The following MEI4 variants were observed in gnomAD, a reference collection of about 807,000 sequenced individuals.
MEI4 encodes the protein meiosis-specific protein MEI4.
MEI4 carries 27 observed loss-of-function variants against 31.4 expected under a neutral mutation model. The ratio of observed to expected loss-of-function variants is 0.86; its 90% confidence interval spans 0.63 to 1.19. The LOEUF is 1.19. Ranked by LOEUF, MEI4 falls within the 50% of genes most tolerant of loss-of-function variation. The probability of loss-of-function intolerance (pLI) is 0.00; values close to 1 mark genes in which losing one functional copy is unlikely to be tolerated. For missense variants in MEI4, 329 were observed against 398.9 expected, an observed-to-expected ratio of 0.82 and a Z score of 1.49; for synonymous variants, 122 against 145.4, an observed-to-expected ratio of 0.84 and a Z score of 1.16.
At chr6:77,668,276 G>A (rs1768675714) in intron 1 of MEI4, among the ~76,000 whole-genome samples, 1 of 152,180 alleles carries the variant, frequency 6.6e-6, no homozygotes, top group African/African-American at 2.4e-5. Flanking sequence ...ATTTGGGAAA[G>A]TGAACATTAT....
chr6:77,922,731 A>AT (rs1766733604), intron 4 of MEI4, among the ~76,000 whole-genome samples: 2 of 151,730 alleles, frequency 1.3e-5, no homozygotes, highest in Non-Finnish European at 1.5e-5. Context: ...AAGTACCATG[A>AT]ATTCAAAAGT....
chr6:77,686,290 A>G (rs543868979), intron 1 of MEI4, among the ~76,000 whole-genome samples: 4 of 152,322 alleles, frequency 2.6e-5, no homozygotes, highest in Admixed American at 2.6e-4. Flanking sequence ...AGTATAAGTA[A>G]GAAAATAATA....
chr6:77,714,429 T>C (rs1444943950), intron 2 of MEI4, among the ~76,000 whole-genome samples: 1 of 152,230 alleles, frequency 6.6e-6, no homozygotes, highest in Non-Finnish European at 1.5e-5. Flanking sequence ...CATTTACTTC[T>C]TTCTTTAACA....
chr6:77,701,137 A>G (rs1051455329), intron 2 of MEI4, among the ~76,000 whole-genome samples: 1 of 152,096 alleles, frequency 6.6e-6, no homozygotes, highest in Non-Finnish European at 1.5e-5. Context: ...TTTATTTTAT[A>G]GAATCTCTTT....
At chr6:77,795,766 GAA>G (rs71774242) in intron 3 of MEI4, among the ~76,000 whole-genome samples, 2 of 143,672 alleles carry the variant, frequency 1.4e-5, no homozygotes, top group African/African-American at 5.1e-5. Context: ...GATTGCATTG[GAA>G]AAAAAAAAAA....
intron 4 of MEI4, among the ~76,000 whole-genome samples, chr6:77,920,363 G>A (rs923483764): frequency 1.3e-5 from 2 of 151,964 alleles, no homozygotes; most frequent in East Asian, 1.9e-4. Context: ...ATCAATAAAT[G>A]TAATACAGCA....
chr6:77,814,952 C>T (rs1265122372), intron 3 of MEI4, among the ~76,000 whole-genome samples: 7 of 152,064 alleles, frequency 4.6e-5, no homozygotes, highest in African/African-American at 9.7e-5. Flanking sequence ...TTTTGGTTTA[C>T]GTACATATAT....
intron 4 of MEI4, among the ~76,000 whole-genome samples, chr6:77,872,535 C>A (rs1055984017): frequency 2.0e-5 from 3 of 151,732 alleles, no homozygotes; most frequent in African/African-American, 7.3e-5. Flanking sequence ...TTATTTGTGA[C>A]CCCTGAAAAA....
At chr6:77,786,013 T>A (rs1179024987) in intron 3 of MEI4, among the ~76,000 whole-genome samples, 3 of 152,146 alleles carry the variant, frequency 2.0e-5, no homozygotes, top group African/African-American at 7.2e-5. Flanking sequence ...TTTTACCTTG[T>A]TTTTGCCTTT....
chr6:77,715,568 A>G (rs916336703), intron 2 of MEI4, among the ~76,000 whole-genome samples: 2 of 152,192 alleles, frequency 1.3e-5, no homozygotes, highest in Non-Finnish European at 2.9e-5. Context: ...AGAATTAGGC[A>G]TATTTTTGTT....
chr6:77,695,606 C>T (rs1026911329), intron 2 of MEI4, among the ~76,000 whole-genome samples: 8 of 152,126 alleles, frequency 5.3e-5, no homozygotes, highest in Admixed American at 5.2e-4. Flanking sequence ...GGGCTCTGTT[C>T]TGTTCCATTG....
intron 3 of MEI4, among the ~76,000 whole-genome samples, chr6:77,810,423 C>A (rs1769547536): frequency 6.6e-6 from 1 of 152,134 alleles, no homozygotes; most frequent in Admixed American, 6.6e-5. Context: ...TCTAGGCCAG[C>A]TGCTGTCCGG....
intron 4 of MEI4, among the ~76,000 whole-genome samples, chr6:77,852,585 G>GTTTTTTTTTTTTTTTTTT (rs58175580): frequency 7.0e-6 from 1 of 142,608 alleles, no homozygotes; most frequent in Non-Finnish European, 1.5e-5. Flanking sequence ...GTTGTTGTTT[G>GTTTTTTTTTTTTTTTTTT]TTTTTTTTTT....
chr6:77,749,024 A>G (rs1767694083), intron 2 of MEI4, among the ~76,000 whole-genome samples: 1 of 152,178 alleles, frequency 6.6e-6, no homozygotes, highest in East Asian at 1.9e-4. Context: ...GACCTGCAGC[A>G]GAGGGGCCTG....
At chr6:77,677,398 T>C (rs1768864414) in intron 1 of MEI4, among the ~76,000 whole-genome samples, 1 of 152,164 alleles carries the variant, frequency 6.6e-6, no homozygotes, top group South Asian at 2.1e-4. Flanking sequence ...TCTGCCTTCT[T>C]TTCTCAGTTT....
chr6:77,892,805 C>T (rs1765997198), intron 4 of MEI4, among the ~76,000 whole-genome samples: 1 of 152,024 alleles, frequency 6.6e-6, no homozygotes, highest in South Asian at 2.1e-4. Flanking sequence ...GGCTGTTGGG[C>T]CCCAAACAGT....
intron 2 of MEI4, among the ~76,000 whole-genome samples, chr6:77,692,210 T>G (rs1345323178): frequency 6.6e-6 from 1 of 152,002 alleles, no homozygotes; most frequent in Non-Finnish European, 1.5e-5. Context: ...TTGGTCTTAT[T>G]TTAAGTGACA....
chr6:77,804,249 G>A (rs1394092357), intron 3 of MEI4, among the ~76,000 whole-genome samples: 1 of 152,072 alleles, frequency 6.6e-6, no homozygotes, highest in Non-Finnish European at 1.5e-5. Context: ...GCAAGACTCT[G>A]AGCCATGTAC....
Position 77,732,473 on chromosome 6 carries a change from G to T in MEI4, c.233-28657G>T, listed in dbSNP as rs184706968. On this transcript the variant is annotated intron_variant, in intron 2 of 4. Coordinates refer to ENST00000684080, the MANE Select transcript of MEI4 (RefSeq NM_001322247.2). ...AGAATGCTTGTGATTTTTGCACATT[G>T]ATCTTGTATCCTGAGACTTTGCTGA... Among the ~76,000 whole-genome samples the T allele has an allele frequency of 6.5e-4, 99 of 152,176 alleles. No homozygotes were observed. The East Asian group carries it at 8.9e-3, about 14-fold the overall frequency.
Sources: gnomAD v4.1 joint callset for allele counts (sites outside exome capture counted in the v4.1 genomes callset) on GRCh38, gnomAD v4.1.1 for gene constraint, MANE v1.5 for transcripts, NCBI Gene and HGNC (gene_info 2026-07-23, HGNC 2026-07-21) for gene names.